WIF1: variants seen among roughly 807,000 people sequenced by gnomAD.
WIF1 encodes the protein Wnt inhibitory factor 1.
WIF1 carries 35 observed loss-of-function variants against 53.5 expected under a neutral mutation model. The ratio of observed to expected loss-of-function variants is 0.65; its 90% CI spans 0.50 to 0.87. WIF1 has a LOEUF of 0.87. Ranked by LOEUF, WIF1 falls within the 40% of genes least tolerant of loss-of-function variation. WIF1 has a pLI of 0.00. For synonymous variants in WIF1, 171 were observed against 170.4 expected (o/e 1.00, Z -0.03); for missense variants, 467 against 476.8 (o/e 0.98, Z 0.19).
intron 2 of WIF1, among the ~76,000 whole-genome samples, chr12:65,092,835 G>A (rs528716544): frequency 6.6e-6 from 1 of 151,970 alleles, no homozygotes; most frequent in Non-Finnish European, 1.5e-5. Flanking sequence ...CCGAGACAGA[G>A]CCCATAATAA....
At chr12:65,108,291 G>T (rs999203958) in intron 2 of WIF1, among the ~76,000 whole-genome samples, 1 of 152,120 alleles carries the variant, frequency 6.6e-6, no homozygotes, top group Non-Finnish European at 1.5e-5. Context: ...ATTGAGTGGA[G>T]GTCAAAAGAA....
intron 3 of WIF1, among the ~76,000 whole-genome samples, chr12:65,071,125 C>T (rs79533324): frequency 0.031 from 4,650 of 150,416 alleles, 244 homozygotes; most frequent in African/African-American, 0.11. Context: ...TCCCAGCTAC[C>T]TGGGAGGCTG....
intron 8 of WIF1, among the ~76,000 whole-genome samples, chr12:65,055,732 G>A (rs1332696349): frequency 2.6e-5 from 4 of 152,190 alleles, no homozygotes; most frequent in Non-Finnish European, 5.9e-5. Context: ...CCTAGATCGC[G>A]CCACTGCACT....
intron 2 of WIF1, among the ~76,000 whole-genome samples, chr12:65,108,978 C>T (rs1217312015): frequency 6.6e-6 from 1 of 152,180 alleles, no homozygotes; most frequent in East Asian, 1.9e-4. Flanking sequence ...CATTCGATGG[C>T]TCTGATTATC....
chr12:65,098,413 G>T (rs1241188503), intron 2 of WIF1, among the ~76,000 whole-genome samples: 1 of 152,064 alleles, frequency 6.6e-6, no homozygotes, highest in Non-Finnish European at 1.5e-5. Context: ...GAGATCATAT[G>T]GGGAAGTGGA....
chr12:65,093,355 G>A (rs1367728698), intron 2 of WIF1, among the ~76,000 whole-genome samples: 2 of 152,130 alleles, frequency 1.3e-5, no homozygotes, highest in African/African-American at 4.8e-5. Context: ...TGTAACGTTA[G>A]CCAAACTCAT....
chr12:65,106,915 T>C (rs1883360988), intron 2 of WIF1, among the ~76,000 whole-genome samples: 1 of 152,212 alleles, frequency 6.6e-6, no homozygotes, highest in Non-Finnish European at 1.5e-5. Flanking sequence ...AAAAAGAATA[T>C]GTAATCGGTG....
intron 9 of WIF1, among the ~76,000 whole-genome samples, chr12:65,054,661 C>A (rs1410406881): frequency 6.6e-6 from 1 of 152,076 alleles, no homozygotes; most frequent in Admixed American, 6.5e-5. Context: ...TTTTAAGAAG[C>A]AAAATGCTTC....
Position 65,051,288 on chromosome 12 carries a change from C to T in WIF1, c.*61G>A. The T allele has an allele frequency of 6.4e-7, 1 of 1,561,086 alleles. No homozygotes were observed. Among genetic ancestry groups the T allele is most frequent in the Non-Finnish European group, 8.7e-7 (1 of 1,153,266 alleles). ...ATGAACATTATTTGAACATTCAACA[C>T]ATGAAAGGTTAACAAAGGCTATGAA... On this transcript the variant is annotated 3_prime_UTR_variant, in exon 10 of 10. Coordinates refer to ENST00000286574, the MANE Select transcript of WIF1 (RefSeq NM_007191.5).
At chr12:65,105,722 G>T (rs1314788124) in intron 2 of WIF1, among the ~76,000 whole-genome samples, 1 of 152,042 alleles carries the variant, frequency 6.6e-6, no homozygotes, top group Non-Finnish European at 1.5e-5. Flanking sequence ...CTACTGTGAG[G>T]GTGGTACCAA....
chr12:65,114,895 A>C (rs1883486157), intron 2 of WIF1, among the ~76,000 whole-genome samples: 1 of 152,178 alleles, frequency 6.6e-6, no homozygotes, highest in African/African-American at 2.4e-5. Flanking sequence ...AAGGTACCCC[A>C]CTGACTTTTA....
At chr12:65,117,836 C>T (rs1010150645) in intron 2 of WIF1, among the ~76,000 whole-genome samples, 5 of 152,118 alleles carry the variant, frequency 3.3e-5, no homozygotes, top group Admixed American at 2.0e-4. Flanking sequence ...ATGCTGCTGC[C>T]GATCTGACAG....
At chr12:65,111,979 T>TA (rs1330027178) in intron 2 of WIF1, among the ~76,000 whole-genome samples, 3 of 152,202 alleles carry the variant, frequency 2.0e-5, no homozygotes, top group African/African-American at 7.2e-5. Flanking sequence ...AAAGAGAAGA[T>TA]AAAATGTACA....
chr12:65,068,106 G>C (rs1169391145), intron 4 of WIF1, among the ~76,000 whole-genome samples: 3 of 152,096 alleles, frequency 2.0e-5, no homozygotes, highest in African/African-American at 7.2e-5. Context: ...TTGAATGAAT[G>C]GTATTGCCTT....
At chr12:65,058,278 T>A (rs1276613427) in intron 7 of WIF1, among the ~76,000 whole-genome samples, 4 of 152,056 alleles carry the variant, frequency 2.6e-5, no homozygotes, top group Non-Finnish European at 5.9e-5. Flanking sequence ...TTTTTTCAAG[T>A]GAGCAAGGTA....
At chr12:65,093,647 A>G (rs1475392886) in intron 2 of WIF1, among the ~76,000 whole-genome samples, 1 of 152,176 alleles carries the variant, frequency 6.6e-6, no homozygotes, top group Non-Finnish European at 1.5e-5. Context: ...ATAGTTAGTC[A>G]AGCTGATTCA....
chr12:65,063,903 A>G (rs527453175), intron 6 of WIF1, among the ~76,000 whole-genome samples: 2 of 152,104 alleles, frequency 1.3e-5, no homozygotes, highest in South Asian at 4.1e-4. Flanking sequence ...TTCTGTATAG[A>G]TGGAGTCTTG....
At chr12:65,076,917 CA>C (rs1882869787) in intron 3 of WIF1, among the ~76,000 whole-genome samples, 1 of 150,968 alleles carries the variant, frequency 6.6e-6, no homozygotes, top group South Asian at 2.1e-4. Context: ...AATCATGACG[CA>C]AAACCAAATA....
Position 65,077,785 on chromosome 12 carries a change from T to G in WIF1, c.358A>C (p.Asn120His). ...GGCACTGTTCCCAGCAGAGGGACAT[T>G]GACGGTTGGATCTGCCATGATGCCT... Reference protein sequence around the residue: ...DKGIMADPTVNVPLLGTVPHK... With the variant: ...DKGIMADPTVHVPLLGTVPHK... The change falls in exon 3 of 10, where the codon AAT becomes CAT. Residue 120 changes from asparagine to histidine, a missense_variant. Transcript: ENST00000286574. The G allele has an allele frequency of 6.2e-7, 1 of 1,613,896 alleles. No homozygotes were observed. Among genetic ancestry groups the G allele is most frequent in the East Asian group, 2.2e-5 (1 of 44,856 alleles).
Sources: allele counts gnomAD v4.1 joint callset (sites outside exome capture counted in the v4.1 genomes callset), GRCh38; gene constraint gnomAD v4.1.1; transcripts MANE v1.5; gene names NCBI Gene and HGNC (gene_info 2026-07-23, HGNC 2026-07-21).